The following SCN11A variants were observed in gnomAD, a reference collection of about 807,000 sequenced individuals.
The protein encoded by SCN11A is sodium voltage-gated channel alpha subunit 11, also known as sodium channel protein type 11 subunit alpha.
SCN11A carries 122 observed loss-of-function variants against 162.2 expected under a neutral mutation model. The ratio of observed to expected loss-of-function variants is 0.75; its 90% CI spans 0.65 to 0.87. The LOEUF is 0.87. Ranked by LOEUF, SCN11A falls within the 40% of genes least tolerant of loss-of-function variation. SCN11A has a pLI of 0.00. For synonymous variants in SCN11A, 758 were observed against 751.5 expected, an observed-to-expected ratio of 1.01 and a Z score of -0.14; for missense variants, 2,015 against 2,181.6, an observed-to-expected ratio of 0.92 and a Z score of 1.52.
chr3:38,908,996 C>T lies in SCN11A; in HGVS notation c.1299+1G>A, dbSNP rs2065844955. ...CCCACTGTCTGACCCCATGTCCCTACCTCCTTTTCCTCCTTTAACAGCTGC... is the reference window on the plus strand; with the variant it reads ...CCCACTGTCTGACCCCATGTCCCTATCTCCTTTTCCTCCTTTAACAGCTGC... On this transcript the variant is annotated splice_donor_variant, in intron 13 of 29. Transcript: ENST00000302328. LOFTEE classifies it high-confidence loss of function. The T allele has an allele frequency of 6.2e-7, 1 of 1,612,562 alleles. No homozygotes were observed.
intron 18 of SCN11A, 37 bp downstream of exon 18, chr3:38,896,808 C>A (rs1350361616): frequency 2.7e-6 from 3 of 1,126,912 alleles, no homozygotes; most frequent in Non-Finnish European, 3.5e-6. Flanking sequence ...CATGTAGGAT[C>A]TTTTTTTTTT....
At chr3:38,954,647 CAAACAAAA>C (rs961353726) in intron 3 of SCN11A, among the ~76,000 whole-genome samples, 2 of 151,642 alleles carry the variant, frequency 1.3e-5, no homozygotes, top group African/African-American at 2.4e-5. Context: ...AACAAACAAA[CAAACAAAA>C]AAACAAAAAA....
Position 38,950,142 on chromosome 3 carries a change from A to G in SCN11A, c.221T>C (p.Ile74Thr), listed in dbSNP as rs1559552060. The G allele has an allele frequency of 6.3e-7, 1 of 1,586,110 alleles. No individual in the cohort carries two copies. The highest frequency in any genetic ancestry group is 8.6e-7 in the Non-Finnish European group (1 of 1,169,346). Residue 74 changes from isoleucine to threonine, a missense_variant, in exon 5 of 30, where the codon ATA becomes ACA. Transcript: ENST00000302328. ...GTCCAAGTCTTCCAGAGGCTTTCCT[A>G]TGAGCTCACGAGGAATGTCGCCATA... ...KLYGDIPREL[I>T]GKPLEDLDPF... is the part of the protein sequence containing the mutation.
At chr3:39,006,077 CT>C (rs1246475034) in intron 2 of SCN11A, among the ~76,000 whole-genome samples, 1 of 152,066 alleles carries the variant, frequency 6.6e-6, no homozygotes, top group Non-Finnish European at 1.5e-5. Context: ...GCTCTATTGT[CT>C]TTTTTGTTCA....
chr3:38,897,936 A>G (rs1194915150), intron 17 of SCN11A, among the ~76,000 whole-genome samples: 3 of 151,668 alleles, frequency 2.0e-5, no homozygotes, highest in Non-Finnish European at 4.4e-5. Flanking sequence ...CCACATTTAA[A>G]TGATTGAAAA....
chr3:38,870,471 G>A (rs893809765), intron 26 of SCN11A, among the ~76,000 whole-genome samples: 2 of 152,220 alleles, frequency 1.3e-5, no homozygotes, highest in African/African-American at 2.4e-5. Flanking sequence ...GGAGAAAGAA[G>A]ACTGGACTTC....
chr3:38,982,119 G>A (rs776997490), intron 2 of SCN11A, among the ~76,000 whole-genome samples: 12 of 152,180 alleles, frequency 7.9e-5, no homozygotes, highest in Non-Finnish European at 1.8e-4. Flanking sequence ...CCAGTGAGCC[G>A]AATGAAGCTG....
At chr3:38,953,080 A>C (rs2066641221) in intron 4 of SCN11A, among the ~76,000 whole-genome samples, 1 of 152,094 alleles carries the variant, frequency 6.6e-6, no homozygotes. Context: ...GTTTTTTTAA[A>C]GAAAAGCCAC....
chr3:38,890,723 T>A (rs1282540503), intron 19 of SCN11A, among the ~76,000 whole-genome samples: 1 of 152,140 alleles, frequency 6.6e-6, no homozygotes, highest in African/African-American at 2.4e-5. Context: ...AACAGAGAGA[T>A]CACAAAAGGA....
chr3:38,976,089 T>C (rs2066847907), intron 2 of SCN11A, among the ~76,000 whole-genome samples: 1 of 152,122 alleles, frequency 6.6e-6, no homozygotes. Flanking sequence ...TAAGATAGTA[T>C]AAATATATTT....
At chr3:38,927,879 T>C (rs1575302551) in intron 7 of SCN11A, among the ~76,000 whole-genome samples, 1 of 152,166 alleles carries the variant, frequency 6.6e-6, no homozygotes, top group Admixed American at 6.5e-5. Flanking sequence ...CTACAATTCA[T>C]GATGAGATTT....
chr3:38,983,385 G>T (rs1405060420), intron 2 of SCN11A, among the ~76,000 whole-genome samples: 2 of 152,200 alleles, frequency 1.3e-5, no homozygotes, highest in South Asian at 4.1e-4. Context: ...CTGAGGAAGG[G>T]TGCTCACTGT....
chr3:38,930,250 T>A (rs927140814), intron 7 of SCN11A, among the ~76,000 whole-genome samples: 2 of 152,144 alleles, frequency 1.3e-5, no homozygotes, highest in Admixed American at 6.5e-5. Context: ...CTTGAGGACT[T>A]GAAAAAACTC....
At chr3:38,852,635 C>A (rs1482011810) in intron 28 of SCN11A, among the ~76,000 whole-genome samples, 1 of 152,158 alleles carries the variant, frequency 6.6e-6, no homozygotes, top group African/African-American at 2.4e-5. Flanking sequence ...ACCCCTTGTT[C>A]TATTACTGGA....
chr3:38,992,483 T>G (rs917036259), intron 2 of SCN11A, among the ~76,000 whole-genome samples: 3 of 152,242 alleles, frequency 2.0e-5, no homozygotes, highest in Non-Finnish European at 4.4e-5. Context: ...AACTGCATCC[T>G]CTGGTGGATC....
At chr3:38,944,152 C>T (rs1211125458) in intron 7 of SCN11A, among the ~76,000 whole-genome samples, 1 of 152,024 alleles carries the variant, frequency 6.6e-6, no homozygotes, top group Non-Finnish European at 1.5e-5. Context: ...TAAAGAAATG[C>T]TAATATTTTT....
chr3:38,858,566 A>C (rs2064910372), intron 28 of SCN11A, among the ~76,000 whole-genome samples: 1 of 152,142 alleles, frequency 6.6e-6, no homozygotes. Flanking sequence ...TAATACTGGG[A>C]GACTTCAGTA....
At chr3:38,851,951 T>C (rs1156798862) in intron 28 of SCN11A, among the ~76,000 whole-genome samples, 1 of 152,096 alleles carries the variant, frequency 6.6e-6, no homozygotes, top group Non-Finnish European at 1.5e-5. Context: ...GATAAAACCA[T>C]CTAACCAGCC....
chr3:38,946,735 C>T (rs2066522165), intron 6 of SCN11A, 54 bp downstream of exon 6: 2 of 1,124,870 alleles, frequency 1.8e-6, no homozygotes, highest in Non-Finnish European at 1.3e-6. Flanking sequence ...CACCGTGGGG[C>T]ACGTGCACTT....
Sources: gnomAD v4.1 joint callset for allele counts (sites outside exome capture counted in the v4.1 genomes callset) on GRCh38, gnomAD v4.1.1 for gene constraint, MANE v1.5 for transcripts, NCBI Gene and HGNC (gene_info 2026-07-23, HGNC 2026-07-21) for gene names.